Variants in TENM3 observed in about 807,000 individuals in gnomAD.
TENM3 encodes the protein teneurin transmembrane protein 3.
A neutral mutation model predicts 255.1 loss-of-function variants in TENM3; 63 were observed. The ratio of observed to expected loss-of-function variants is 0.25; its 90% confidence interval spans 0.20 to 0.30. The LOEUF (loss-of-function observed/expected upper bound fraction) is 0.30, where lower values mean the gene tolerates loss of function less well. Ranked by LOEUF, TENM3 falls within the 10% of genes least tolerant of loss-of-function variation. The pLI is 1.00. For synonymous variants in TENM3, 1,306 were observed against 1,322.3 expected (o/e 0.99, Z 0.27); for missense variants, 2,929 against 3,461.1 (o/e 0.85, Z 3.86).
At chr4:182,367,711 A>G (rs1766525757) in intron 3 of TENM3, among the ~76,000 whole-genome samples, 1 of 152,204 alleles carries the variant, frequency 6.6e-6, no homozygotes, top group Non-Finnish European at 1.5e-5. Context: ...ACAATTACAT[A>G]AAGTCATATT....
the TENM3 span, among the ~76,000 whole-genome samples, chr4:182,126,949 C>T: frequency 6.6e-5 from 10 of 152,152 alleles, no homozygotes; most frequent in African/African-American, 2.4e-4. Flanking sequence ...CACAAATCAC[C>T]AATCTACCTT....
At chr4:181,468,819 A>G in the TENM3 span, among the ~76,000 whole-genome samples, 1 of 152,182 alleles carries the variant, frequency 6.6e-6, no homozygotes, top group Non-Finnish European at 1.5e-5. Flanking sequence ...CTGATTTAAC[A>G]CGCTTTTCAC....
At chr4:181,531,958 G>A in the TENM3 span, among the ~76,000 whole-genome samples, 4 of 152,192 alleles carry the variant, frequency 2.6e-5, no homozygotes, top group South Asian at 2.1e-4. Context: ...GGCTCGCTTC[G>A]CACAACCATC....
chr4:181,723,788 A>T, the TENM3 span, among the ~76,000 whole-genome samples: 1 of 152,038 alleles, frequency 6.6e-6, no homozygotes, highest in South Asian at 2.1e-4. Flanking sequence ...TATTTTATTG[A>T]TGGTTGTGGG....
chr4:181,849,949 T>TCTCTCACACACACGCACACA, the TENM3 span, among the ~76,000 whole-genome samples: 1 of 65,906 alleles, frequency 1.5e-5, no homozygotes, highest in East Asian at 7.3e-4. Context: ...TCTCTCTCTC[T>TCTCTCACACACACGCACACA]CACACACACA....
At chr4:182,331,629 T>TA (rs766108135) in intron 2 of TENM3, among the ~76,000 whole-genome samples, 32 of 152,160 alleles carry the variant, frequency 2.1e-4, no homozygotes. Flanking sequence ...TTTTAAGACA[T>TA]ACACTTAAAA....
At chr4:182,475,950 G>A (rs937888523) in intron 3 of TENM3, among the ~76,000 whole-genome samples, 34 of 152,126 alleles carry the variant, frequency 2.2e-4, no homozygotes, top group African/African-American at 8.2e-4. Flanking sequence ...AGTCTCTCTC[G>A]TACATTTGAA....
At chr4:182,741,441 A>G (rs1420909904) in intron 18 of TENM3, among the ~76,000 whole-genome samples, 2 of 152,228 alleles carry the variant, frequency 1.3e-5, no homozygotes, top group Non-Finnish European at 2.9e-5. Flanking sequence ...AAACATGGAA[A>G]TAAATATTCT....
the TENM3 span, among the ~76,000 whole-genome samples, chr4:181,467,646 G>C: frequency 5.9e-5 from 9 of 152,176 alleles, no homozygotes; most frequent in East Asian, 1.7e-3. Context: ...GAGAAATGAG[G>C]AAAATGAGCA....
intron 7 of TENM3, among the ~76,000 whole-genome samples, chr4:182,676,910 C>G (rs1005768046): frequency 3.3e-5 from 5 of 152,018 alleles, no homozygotes; most frequent in African/African-American, 1.2e-4. Flanking sequence ...CTTTGTCTCA[C>G]GATGGCTCCC....
intron 17 of TENM3, 75 bp downstream of exon 17, chr4:182,737,150 A>G (rs1761233163): frequency 6.8e-7 from 1 of 1,461,342 alleles, no homozygotes; most frequent in Non-Finnish European, 9.4e-7. Context: ...ATTGTAACCC[A>G]GGGAAGTCAG....
chr4:182,077,998 G>A, the TENM3 span, among the ~76,000 whole-genome samples: 1 of 152,056 alleles, frequency 6.6e-6, no homozygotes, highest in African/African-American at 2.4e-5. Flanking sequence ...GCAAAAACTG[G>A]TATCGTTCCA....
the TENM3 span, among the ~76,000 whole-genome samples, chr4:181,539,091 C>T: frequency 6.6e-6 from 1 of 152,140 alleles, no homozygotes; most frequent in African/African-American, 2.4e-5. Flanking sequence ...TCCAGTAATC[C>T]TGGCAGACTA....
intron 4 of TENM3, among the ~76,000 whole-genome samples, chr4:182,612,461 T>A (rs1749106134): frequency 1.3e-5 from 2 of 152,110 alleles, no homozygotes; most frequent in Non-Finnish European, 2.9e-5. Flanking sequence ...AAAGACTGAG[T>A]ATAGGTTCCA....
In TENM3 at chr4:182,436,687, C is replaced by A. The variant is rs184972604; in HGVS notation, c.511+89758C>A. Among the ~76,000 whole-genome samples the A allele has an allele frequency of 2.9e-4, 44 of 152,300 alleles. No homozygotes were observed. The East Asian group carries it at 8.5e-3, about 29-fold the overall frequency. ...AACATATGATAATATAGGTCACACA[C>A]ACCTTGTTACCTCTCTTGACTTCTA... is the stretch of plus-strand genomic sequence containing the variant. On this transcript the variant is annotated intron_variant, in intron 3 of 27. Coordinates refer to ENST00000511685, the MANE Select transcript of TENM3 (RefSeq NM_001080477.4).
chr4:182,420,702 A>G (rs1770767261), intron 3 of TENM3, among the ~76,000 whole-genome samples: 1 of 152,200 alleles, frequency 6.6e-6, no homozygotes, highest in Non-Finnish European at 1.5e-5. Flanking sequence ...CACTCTTAGC[A>G]TTGACATGAG....
the TENM3 span, among the ~76,000 whole-genome samples, chr4:181,858,955 A>C: frequency 6.6e-6 from 1 of 152,150 alleles, no homozygotes; most frequent in African/African-American, 2.4e-5. Flanking sequence ...ATTTGGGAAG[A>C]TTAATCCAAC....
the TENM3 span, among the ~76,000 whole-genome samples, chr4:181,833,166 C>T: frequency 8.7e-4 from 132 of 152,054 alleles, 1 homozygote; most frequent in African/African-American, 3.1e-3. Flanking sequence ...ATAAACTTCC[C>T]GACAACAGAG....
chr4:182,526,410 G>GACATTCCCCTTCTTTTTTC (rs1739187364), intron 3 of TENM3, among the ~76,000 whole-genome samples: 1 of 152,070 alleles, frequency 6.6e-6, no homozygotes, highest in East Asian at 1.9e-4. Context: ...CTAATCGTAT[G>GACATTCCCCTTCTTTTTTC]ACATTCCCCT....
Sources: gnomAD v4.1 joint callset for allele counts (sites outside exome capture counted in the v4.1 genomes callset) on GRCh38, gnomAD v4.1.1 for gene constraint, MANE v1.5 for transcripts, NCBI Gene and HGNC (gene_info 2026-07-23, HGNC 2026-07-21) for gene names.